The following IFT122 variants were observed in gnomAD, a reference collection of about 807,000 sequenced individuals.
IFT122 encodes intraflagellar transport 122, also known as intraflagellar transport protein 122 homolog.
In IFT122, 118 loss-of-function variants were observed where a neutral mutation model predicts 161.6. The observed-to-expected ratio is 0.73, with a 90% CI of 0.63 to 0.85. IFT122 has a LOEUF of 0.85. Ranked by LOEUF, IFT122 falls within the 40% of genes least tolerant of loss-of-function variation. The probability of loss-of-function intolerance (pLI) is 0.00; values close to 1 mark genes in which losing one functional copy is unlikely to be tolerated. For synonymous variants in IFT122, 550 were observed against 602.4 expected (o/e 0.91, Z 1.27); for missense variants, 1,381 against 1,579.6 (o/e 0.87, Z 2.13).
In IFT122 at chr3:129,486,253, G is replaced by C. The variant is rs2079264145; in HGVS notation, c.1852-2004G>C. Among the ~76,000 whole-genome samples the C allele has an allele frequency of 1.3e-5, 2 of 152,202 alleles. 1 individual carries two copies. The highest frequency in any genetic ancestry group is 4.1e-4 in the South Asian group (2 of 4,828). ...GGGGCAGTCAGCATGGCAAGCAGTTGGTGTGGTTCGGGGAAGGAGCACCAG... is the reference window on the plus strand; with the variant it reads ...GGGGCAGTCAGCATGGCAAGCAGTTCGTGTGGTTCGGGGAAGGAGCACCAG... On this transcript the variant is annotated intron_variant, in intron 15 of 29. Coordinates refer to ENST00000348417, the MANE Select transcript of IFT122 (RefSeq NM_052989.3).
chr3:129,500,908 G>A (rs1205307455), intron 19 of IFT122, among the ~76,000 whole-genome samples: 1 of 152,176 alleles, frequency 6.6e-6, no homozygotes, highest in Non-Finnish European at 1.5e-5. Context: ...CAGATAACTG[G>A]CTAGTGCAGT....
At chr3:129,476,049 C>G in intron 9 of IFT122, 1 of 516,662 alleles carries the variant, frequency 1.9e-6, no homozygotes, top group South Asian at 2.0e-5. Flanking sequence ...CTGACACACT[C>G]CTGCACTCCT....
chr3:129,515,819 C>G (rs548219912), intron 26 of IFT122, among the ~76,000 whole-genome samples: 1 of 152,316 alleles, frequency 6.6e-6, no homozygotes, highest in East Asian at 1.9e-4. Flanking sequence ...GAAGCACCCA[C>G]TCTGGGAACC....
At chr3:129,499,757 T>C in intron 18 of IFT122, 145 bp from the exon 19 acceptor site, 1 of 892,890 alleles carries the variant, frequency 1.1e-6, no homozygotes, top group Non-Finnish European at 1.8e-6. Context: ...CTCCCCCAAC[T>C]CAGCCCCTCA....
At chr3:129,476,244 C>A in intron 9 of IFT122, 71 bp from the exon 10 acceptor site, 1 of 1,546,710 alleles carries the variant, frequency 6.5e-7, no homozygotes, top group Non-Finnish European at 8.9e-7. Flanking sequence ...CGAGAAAAAG[C>A]CCTTAATTGT....
At chr3:129,514,824 GCAAGCCCCA>G in intron 25 of IFT122, 1 of 562,026 alleles carries the variant, frequency 1.8e-6, no homozygotes, top group Non-Finnish European at 3.2e-6. Flanking sequence ...CCTCCCCTAG[GCAAGCCCCA>G]CACCTCTGTG....
chr3:129,456,408 G>A (rs1162798432), intron 3 of IFT122: 3 of 518,750 alleles, frequency 5.8e-6, no homozygotes, highest in East Asian at 1.4e-4. Context: ...GGAAGCCAAG[G>A]CGGGTGGATC....
At chr3:129,509,068 G>A (rs1303765149) in intron 23 of IFT122, among the ~76,000 whole-genome samples, 1 of 152,184 alleles carries the variant, frequency 6.6e-6, no homozygotes, top group Non-Finnish European at 1.5e-5. Context: ...CTGCTTTGGA[G>A]CTTTTTCTCA....
intron 23 of IFT122, among the ~76,000 whole-genome samples, chr3:129,508,411 A>G (rs967532398): frequency 1.3e-5 from 2 of 152,202 alleles, no homozygotes; most frequent in Non-Finnish European, 2.9e-5. Flanking sequence ...TGAGGGCTTC[A>G]TTGTATCAAG....
chr3:129,507,808 C>T, intron 23 of IFT122, 46 bp downstream of exon 23: 1 of 1,418,402 alleles, frequency 7.1e-7, no homozygotes, highest in East Asian at 2.3e-5. Context: ...ATCTCCTGAG[C>T]TAGGGGTCCC....
chr3:129,469,711 A>G (rs1263320012), intron 9 of IFT122, among the ~76,000 whole-genome samples: 1 of 152,200 alleles, frequency 6.6e-6, no homozygotes, highest in African/African-American at 2.4e-5. Flanking sequence ...GGTGGAGCCT[A>G]GGAGTTAAAC....
chr3:129,465,204 A>G (rs2076613317), intron 7 of IFT122, among the ~76,000 whole-genome samples: 1 of 151,474 alleles, frequency 6.6e-6, no homozygotes, highest in African/African-American at 2.4e-5. Context: ...ATGAATCAAT[A>G]GTGGAGCTCT....
At chr3:129,484,427 T>G (rs1437833540) in intron 15 of IFT122, among the ~76,000 whole-genome samples, 1 of 152,234 alleles carries the variant, frequency 6.6e-6, no homozygotes, top group Non-Finnish European at 1.5e-5. Flanking sequence ...TTAGCGCTTT[T>G]CTACGTGTAT....
chr3:129,497,648 G>A lies in IFT122; in HGVS notation c.2208+2041G>A, dbSNP rs531493309. 6.4e-4 allele frequency among the ~76,000 whole-genome samples: 97 copies of A among 152,176 alleles called. 1 individual carries two copies. The South Asian group carries it at 0.017, about 27-fold the overall frequency. The stretch of plus-strand genomic sequence containing the variant: ...CCCATTTACACACTCCATTTGCTCC[G>A]TCTCTCTATGAAGGTAAATACTCTG... On this transcript the variant is annotated intron_variant, in intron 18 of 29. Coordinates refer to ENST00000348417, the MANE Select transcript of IFT122 (RefSeq NM_052989.3).
intron 15 of IFT122, among the ~76,000 whole-genome samples, chr3:129,486,334 C>T (rs965575212): frequency 1.3e-5 from 2 of 152,216 alleles, no homozygotes; most frequent in African/African-American, 4.8e-5. Context: ...ACTCATTTCA[C>T]TCTTTGGGGC....
intron 18 of IFT122, 37 bp downstream of exon 18, chr3:129,495,644 G>A (rs779977478): frequency 8.7e-6 from 14 of 1,611,950 alleles, no homozygotes; most frequent in Non-Finnish European, 1.2e-5. Context: ...CTCCAGCTTG[G>A]AGCCCACTGG....
intron 25 of IFT122, chr3:129,515,142 G>C: frequency 2.2e-6 from 1 of 447,032 alleles, no homozygotes; most frequent in South Asian, 2.1e-5. Flanking sequence ...GGCTAAATGA[G>C]CCAGTATAGT....
At chr3:129,517,628 GGCT>G (rs1560029594) in intron 27 of IFT122, 34 bp downstream of exon 27, 2 of 1,607,614 alleles carry the variant, frequency 1.2e-6, no homozygotes, top group South Asian at 2.2e-5. Flanking sequence ...CTGTGTGTGC[GGCT>G]GTGTGAGGGG....
At chr3:129,441,860 G>A (rs772322867) in intron 1 of IFT122, among the ~76,000 whole-genome samples, 5 of 152,124 alleles carry the variant, frequency 3.3e-5, no homozygotes, top group Non-Finnish European at 7.3e-5. Flanking sequence ...CGTACCTATA[G>A]CACAAGCTGA....
Sources: gnomAD v4.1 joint callset for allele counts (sites outside exome capture counted in the v4.1 genomes callset) on GRCh38, gnomAD v4.1.1 for gene constraint, MANE v1.5 for transcripts, NCBI Gene and HGNC (gene_info 2026-07-23, HGNC 2026-07-21) for gene names.